PDE4D: variants seen among roughly 807,000 people sequenced by gnomAD.
PDE4D encodes the protein 3',5'-cyclic-AMP phosphodiesterase 4D.
In PDE4D, 24 loss-of-function variants were observed where a neutral mutation model predicts 87.4. That is an observed-to-expected ratio of 0.27 (90% CI 0.20 to 0.39). The LOEUF (loss-of-function observed/expected upper bound fraction) is 0.39, where lower values mean the gene tolerates loss of function less well. Among genes scored for constraint, PDE4D ranks in the 10% least tolerant of loss-of-function variants. The probability of loss-of-function intolerance (pLI) is 1.00; values close to 1 mark genes in which losing one functional copy is unlikely to be tolerated. For synonymous variants in PDE4D, 384 were observed against 383.2 expected (o/e 1.00, Z -0.02); for missense variants, 714 against 1,041.0 (o/e 0.69, Z 4.32).
At chr5:59,543,350 T>C (rs1006604839) in intron 1 of PDE4D, among the ~76,000 whole-genome samples, 1 of 152,164 alleles carries the variant, frequency 6.6e-6, no homozygotes, top group Admixed American at 6.6e-5. Context: ...TAGACTCAAA[T>C]ACTTGCTTGA....
intron 1 of PDE4D, among the ~76,000 whole-genome samples, chr5:60,260,478 T>C (rs904975786): frequency 1.3e-5 from 2 of 151,662 alleles, no homozygotes; most frequent in South Asian, 2.1e-4. Context: ...ATGCAAAGAG[T>C]AGGCAAAAAA....
At chr5:60,117,239 G>A (rs1467665759) in intron 2 of PDE4D, among the ~76,000 whole-genome samples, 1 of 151,718 alleles carries the variant, frequency 6.6e-6, no homozygotes, top group Non-Finnish European at 1.5e-5. Flanking sequence ...CAGCCATATT[G>A]ATCTGTCATT....
intron 1 of PDE4D, among the ~76,000 whole-genome samples, chr5:59,469,097 G>T (rs1169825896): frequency 6.6e-6 from 1 of 152,150 alleles, no homozygotes; most frequent in East Asian, 1.9e-4. Flanking sequence ...GGAGGCAGAG[G>T]TGGGTGGATC....
At chr5:59,982,987 C>T (rs541405937) in intron 3 of PDE4D, among the ~76,000 whole-genome samples, 1 of 152,064 alleles carries the variant, frequency 6.6e-6, no homozygotes, top group African/African-American at 2.4e-5. Context: ...TAGAACAAAC[C>T]CATGAAGTAG....
At chr5:59,806,097 C>T (rs1382957050) in intron 1 of PDE4D, among the ~76,000 whole-genome samples, 2 of 152,130 alleles carry the variant, frequency 1.3e-5, no homozygotes, top group African/African-American at 4.8e-5. Context: ...TGTTATTAGC[C>T]AGTTCAATAA....
chr5:59,961,520 A>C (rs1230162659), intron 3 of PDE4D, among the ~76,000 whole-genome samples: 11 of 152,054 alleles, frequency 7.2e-5, no homozygotes, highest in African/African-American at 2.4e-4. Flanking sequence ...AGAGAGAATA[A>C]ATTTCTGCTG....
intron 1 of PDE4D, among the ~76,000 whole-genome samples, chr5:59,299,285 A>G (rs1769707881): frequency 6.6e-6 from 1 of 152,152 alleles, no homozygotes; most frequent in African/African-American, 2.4e-5. Flanking sequence ...AAAGCACCCC[A>G]GCTTCCTCAT....
rs547119796 is a variant in PDE4D, at chr5:59,182,033, C to T, written c.759-1389G>A. Among the ~76,000 whole-genome samples the T allele has an allele frequency of 1.6e-4, 24 of 152,158 alleles. 1 individual carries two copies. In the South Asian group the frequency reaches 4.6e-3, roughly 29 times the overall value. The stretch of plus-strand genomic sequence containing the variant: ...AGCCTCTGGCTCCCTTTCATTGCTC[C>T]TAAGGTTATTGGTATCGATTTGGGA... On this transcript the variant is annotated intron_variant, in intron 4 of 14. Transcript: ENST00000340635.
intron 2 of PDE4D, among the ~76,000 whole-genome samples, chr5:60,151,353 T>C (rs144677862): frequency 1.3e-5 from 2 of 152,282 alleles, no homozygotes; most frequent in Non-Finnish European, 2.9e-5. Context: ...CTTTGGGTAG[T>C]ATGGACATTT....
chr5:59,209,468 G>A (rs1182975222), intron 2 of PDE4D, among the ~76,000 whole-genome samples: 1 of 152,110 alleles, frequency 6.6e-6, no homozygotes, highest in African/African-American at 2.4e-5. Flanking sequence ...TTACAGATGT[G>A]AGCCACCATG....
intron 5 of PDE4D, among the ~76,000 whole-genome samples, chr5:59,056,531 C>T (rs116318915): frequency 0.03 from 4,576 of 152,058 alleles, 233 homozygotes; most frequent in African/African-American, 0.096. Context: ...TTACTGCACC[C>T]ATCAGCCCAA....
chr5:59,988,441 C>A, intron 3 of PDE4D: 2 of 1,257,944 alleles, frequency 1.6e-6, no homozygotes, highest in Non-Finnish European at 2.2e-6. Context: ...AGACAACAAT[C>A]ACCATCTAAA....
At chr5:59,629,998 G>A (rs919982162) in intron 1 of PDE4D, among the ~76,000 whole-genome samples, 4 of 152,100 alleles carry the variant, frequency 2.6e-5, no homozygotes, top group Non-Finnish European at 5.9e-5. Flanking sequence ...CAAGTAAATA[G>A]ATTAGTTTAT....
At chr5:59,046,729 G>A (rs989240981) in intron 5 of PDE4D, among the ~76,000 whole-genome samples, 1 of 152,168 alleles carries the variant, frequency 6.6e-6, no homozygotes, top group African/African-American at 2.4e-5. Flanking sequence ...ATTGGCCCAA[G>A]CAGAAATGTC....
chr5:60,000,853 A>G (rs982441216), intron 2 of PDE4D, among the ~76,000 whole-genome samples: 1 of 152,120 alleles, frequency 6.6e-6, no homozygotes, highest in Non-Finnish European at 1.5e-5. Flanking sequence ...TAAAACTGAA[A>G]CTGTGGCCTG....
chr5:59,781,526 G>A (rs754700643), intron 1 of PDE4D, among the ~76,000 whole-genome samples: 7 of 151,938 alleles, frequency 4.6e-5, no homozygotes, highest in Non-Finnish European at 8.8e-5. Context: ...AGTGGCTCAT[G>A]CTTGTAATCC....
At chr5:59,496,775 C>T (rs1048863783) in intron 1 of PDE4D, among the ~76,000 whole-genome samples, 1 of 152,170 alleles carries the variant, frequency 6.6e-6, no homozygotes, top group Admixed American at 6.5e-5. Flanking sequence ...CATCCCTCTT[C>T]AGTGTACTGT....
chr5:59,214,356 G>A (rs1332369571), intron 2 of PDE4D, among the ~76,000 whole-genome samples: 7 of 152,134 alleles, frequency 4.6e-5, no homozygotes, highest in Non-Finnish European at 7.4e-5. Context: ...GCCAGGTTTC[G>A]CTATTCACAT....
chr5:59,464,268 G>A (rs1320092469), intron 1 of PDE4D, among the ~76,000 whole-genome samples: 1 of 152,232 alleles, frequency 6.6e-6, no homozygotes, highest in Non-Finnish European at 1.5e-5. Context: ...GTTGAGACAA[G>A]AGGAAGGCAT....
Sources: gnomAD v4.1 joint callset for allele counts (sites outside exome capture counted in the v4.1 genomes callset) on GRCh38, gnomAD v4.1.1 for gene constraint, MANE v1.5 for transcripts, NCBI Gene and HGNC (gene_info 2026-07-23, HGNC 2026-07-21) for gene names.